The following ANO1 variants were observed in gnomAD, a reference collection of about 807,000 sequenced individuals.
ANO1 encodes the protein anoctamin 1.
Under a neutral mutation model 124.0 loss-of-function variants are expected in ANO1, and 59 were observed. That is an observed-to-expected ratio of 0.48 (90% CI 0.39 to 0.59). The LOEUF (loss-of-function observed/expected upper bound fraction) is 0.59. ANO1 is among the 20% of genes least tolerant of loss of function. The pLI is 0.00. For synonymous variants in ANO1, 529 were observed against 532.0 expected (o/e 0.99, Z 0.08); for missense variants, 1,059 against 1,328.0 (o/e 0.80, Z 3.15).
intron 1 of ANO1, among the ~76,000 whole-genome samples, chr11:70,069,601 G>A (rs1565173495): frequency 6.6e-6 from 1 of 152,102 alleles, no homozygotes; most frequent in Non-Finnish European, 1.5e-5. Flanking sequence ...TTAAGAAGCA[G>A]GGATGCTGAC....
intron 1 of ANO1, among the ~76,000 whole-genome samples, chr11:70,047,836 T>C (rs377001885): frequency 2.1e-4 from 32 of 152,370 alleles, no homozygotes; most frequent in African/African-American, 7.5e-4. Flanking sequence ...GGAAGAATGG[T>C]ATTTTCTTTG....
chr11:70,094,107 G>T (rs773585299), intron 2 of ANO1, among the ~76,000 whole-genome samples: 3 of 152,196 alleles, frequency 2.0e-5, no homozygotes, highest in Non-Finnish European at 4.4e-5. Context: ...GGCTGTAAAC[G>T]CCCCTTACCC....
intron 1 of ANO1, among the ~76,000 whole-genome samples, chr11:70,025,925 G>A (rs1176666010): frequency 6.6e-6 from 1 of 150,954 alleles, no homozygotes; most frequent in African/African-American, 2.4e-5. Context: ...TGGTGACGAT[G>A]ATGATGGTGC....
intron 6 of ANO1, chr11:70,111,100 C>T (rs1212846552): frequency 2.2e-6 from 1 of 456,258 alleles, no homozygotes; most frequent in African/African-American, 2.0e-5. Context: ...GCCCTTCCAC[C>T]TCACTAATAG....
At chr11:70,009,222 G>A (rs1475688967) in intron 1 of ANO1, among the ~76,000 whole-genome samples, 1 of 152,180 alleles carries the variant, frequency 6.6e-6, no homozygotes, top group Non-Finnish European at 1.5e-5. Context: ...ATGTCACCGA[G>A]CACGAGCCAA....
chr11:70,138,072 C>T lies in ANO1; in HGVS notation c.1258+5993C>T, dbSNP rs898333796. ...GAAAAGAATAACAGCTGGCTGGGCG[C>T]GGTGGTTCACGCCTGTAATCCCAGC... On this transcript the variant is annotated intron_variant, in intron 11 of 25. Transcript: ENST00000355303. 1.3e-4 allele frequency among the ~76,000 whole-genome samples: 19 copies of T among 147,330 alleles called. 1 individual carries two copies. Among genetic ancestry groups the T allele is most frequent in the Admixed American group, 8.6e-4 (12 of 13,932 alleles).
intron 25 of ANO1, among the ~76,000 whole-genome samples, chr11:70,187,106 G>A (rs146850464): frequency 7.5e-4 from 114 of 152,234 alleles, no homozygotes; most frequent in Middle Eastern, 3.4e-3. Flanking sequence ...AGCTGCGAGC[G>A]TGAGCAGCCA....
intron 24 of ANO1, among the ~76,000 whole-genome samples, chr11:70,185,126 G>A (rs2049062787): frequency 6.6e-6 from 1 of 152,186 alleles, no homozygotes; most frequent in African/African-American, 2.4e-5. Flanking sequence ...TGTGGAGCAT[G>A]GGCGTTGGGT....
the ANO1 span, among the ~76,000 whole-genome samples, chr11:69,974,891 A>T: frequency 6.9e-5 from 2 of 29,080 alleles, no homozygotes; most frequent in Non-Finnish European, 1.4e-4. Flanking sequence ...CGTCTCTAAA[A>T]AAAAAAAAAA....
At chr11:70,029,114 C>A (rs1158785250) in intron 1 of ANO1, among the ~76,000 whole-genome samples, 1 of 152,206 alleles carries the variant, frequency 6.6e-6, no homozygotes, top group Non-Finnish European at 1.5e-5. Flanking sequence ...CAGGGCTCTG[C>A]TGGGTCCCTG....
chr11:70,102,471 C>T (rs932485629), intron 2 of ANO1, among the ~76,000 whole-genome samples: 7 of 152,204 alleles, frequency 4.6e-5, no homozygotes, highest in Non-Finnish European at 8.8e-5. Context: ...GACTTGAACT[C>T]GGGCCTGCCT....
At chr11:70,017,926 C>T (rs985558861) in intron 1 of ANO1, among the ~76,000 whole-genome samples, 1 of 152,184 alleles carries the variant, frequency 6.6e-6, no homozygotes, top group African/African-American at 2.4e-5. Flanking sequence ...CTCCAGCCCC[C>T]TTTCCCTGAT....
chr11:70,135,748 G>T (rs1486739565), intron 11 of ANO1, among the ~76,000 whole-genome samples: 3 of 152,236 alleles, frequency 2.0e-5, no homozygotes, highest in Non-Finnish European at 4.4e-5. Flanking sequence ...GAGGAGAGAG[G>T]CTGAAGGAGC....
At chr11:70,152,922 T>C in intron 13 of ANO1, 135 bp from the exon 14 acceptor site, 1 of 714,640 alleles carries the variant, frequency 1.4e-6, no homozygotes, top group Non-Finnish European at 2.4e-6. Context: ...CTGGAAATAT[T>C]CAGCAGCCAA....
intron 1 of ANO1, among the ~76,000 whole-genome samples, chr11:70,007,419 A>G (rs4980575): frequency 0.77 from 117,379 of 151,498 alleles, 45,815 homozygotes; most frequent in East Asian, 1. Flanking sequence ...TGGGACTACA[A>G]GTGCCTGCCA....
intron 2 of ANO1, among the ~76,000 whole-genome samples, chr11:70,100,379 C>G (rs570934393): frequency 6.6e-6 from 1 of 152,284 alleles, no homozygotes; most frequent in African/African-American, 2.4e-5. Context: ...GCCATAAATC[C>G]AATAGCAGAG....
intron 15 of ANO1, among the ~76,000 whole-genome samples, chr11:70,156,726 G>A (rs1238664790): frequency 1.3e-5 from 2 of 152,182 alleles, no homozygotes; most frequent in Non-Finnish European, 2.9e-5. Flanking sequence ...TCTTGCTCCC[G>A]TTATCCTGTG....
chr11:70,077,024 G>A (rs2044069634), upstream of ANO1, among the ~76,000 whole-genome samples: 1 of 152,170 alleles, frequency 6.6e-6, no homozygotes, highest in African/African-American at 2.4e-5. Context: ...AGGTGCCAGA[G>A]CTGGAGCTAG....
chr11:70,091,536 C>T (rs1181955917), intron 2 of ANO1, among the ~76,000 whole-genome samples: 1 of 152,198 alleles, frequency 6.6e-6, no homozygotes, highest in South Asian at 2.1e-4. Flanking sequence ...AAACCACCCC[C>T]AGTTGAGAAT....
Sources: allele counts gnomAD v4.1 joint callset (sites outside exome capture counted in the v4.1 genomes callset), GRCh38; gene constraint gnomAD v4.1.1; transcripts MANE v1.5; gene names NCBI Gene and HGNC (gene_info 2026-07-23, HGNC 2026-07-21).